The following GRID2 variants were observed in gnomAD, a reference collection of about 807,000 sequenced individuals.
GRID2 encodes glutamate ionotropic receptor delta type subunit 2, also known as glutamate receptor ionotropic, delta-2.
A neutral mutation model predicts 114.8 loss-of-function variants in GRID2; 33 were observed. The ratio of observed to expected loss-of-function variants is 0.29; its 90% CI spans 0.22 to 0.38. GRID2 has a LOEUF of 0.38. Among genes scored for constraint, GRID2 ranks in the 10% least tolerant of loss-of-function variants. The pLI is 1.00. For missense variants in GRID2, 1,184 were observed against 1,257.7 expected (o/e 0.94, Z 0.89); for synonymous variants, 505 against 449.9 (o/e 1.12, Z -1.55).
chr4:93,777,766 T>C (rs1578789900), downstream of GRID2, among the ~76,000 whole-genome samples: 1 of 152,328 alleles, frequency 6.6e-6, no homozygotes, highest in East Asian at 1.9e-4. Context: ...AATGATACAG[T>C]GTCAGAACCA....
intron 1 of GRID2, among the ~76,000 whole-genome samples, chr4:92,575,841 C>A (rs1211049711): frequency 6.6e-6 from 1 of 152,254 alleles, no homozygotes; most frequent in Non-Finnish European, 1.5e-5. Context: ...GTTCTCCAGA[C>A]ACTCCCTCCC....
chr4:93,396,607 G>C (rs1478935077), intron 9 of GRID2, among the ~76,000 whole-genome samples: 1 of 151,944 alleles, frequency 6.6e-6, no homozygotes, highest in Non-Finnish European at 1.5e-5. Context: ...GCTGATTGAG[G>C]AGTAACCGAA....
Position 93,774,507 on chromosome 4 carries a change from T to C in GRID2, c.*2009T>C, listed in dbSNP as rs1578787587. On this transcript the variant is annotated 3_prime_UTR_variant, in exon 16 of 16. Coordinates refer to ENST00000282020, the MANE Select transcript of GRID2 (RefSeq NM_001510.4). Reference sequence around the variant, plus strand: ...GCCTCAGTTATGAGTGACAGAGCTTTCTGTGTATAATTTGTCTAAATAATT... The same window carrying C: ...GCCTCAGTTATGAGTGACAGAGCTTCCTGTGTATAATTTGTCTAAATAATT... 6.6e-6 allele frequency: 1 copy of C among 152,180 alleles called. No individual in the cohort carries two copies. Among genetic ancestry groups the C allele is most frequent in the South Asian group, 2.1e-4 (1 of 4,830 alleles). 9.4% of individuals were successfully genotyped at this position (152,180 alleles called of 1,614,324 possible).
intron 2 of GRID2, among the ~76,000 whole-genome samples, chr4:92,915,191 A>T (rs1284176300): frequency 6.6e-6 from 1 of 152,094 alleles, no homozygotes; most frequent in Non-Finnish European, 1.5e-5. Context: ...CAAGGGGGAA[A>T]CCGCCCCCAT....
chr4:92,568,028 T>C (rs889105294), intron 1 of GRID2, among the ~76,000 whole-genome samples: 3 of 151,988 alleles, frequency 2.0e-5, no homozygotes, highest in African/African-American at 7.2e-5. Flanking sequence ...AGAAAGGGAT[T>C]GAAGGCAGAG....
intron 2 of GRID2, among the ~76,000 whole-genome samples, chr4:92,593,749 T>C (rs1282676194): frequency 3.3e-5 from 5 of 151,850 alleles, no homozygotes; most frequent in East Asian, 1.9e-4. Flanking sequence ...TTCTTATGAA[T>C]GTATTTGTTG....
At chr4:92,464,938 A>T (rs1721675351) in intron 1 of GRID2, among the ~76,000 whole-genome samples, 1 of 152,026 alleles carries the variant, frequency 6.6e-6, no homozygotes, top group East Asian at 1.9e-4. Context: ...GACAGTGAAT[A>T]AGTTCTCAGG....
chr4:93,104,676 A>G (rs1198902915), intron 3 of GRID2, among the ~76,000 whole-genome samples: 1 of 152,128 alleles, frequency 6.6e-6, no homozygotes, highest in Non-Finnish European at 1.5e-5. Context: ...CGTGGTGTAT[A>G]TGTGTCACAT....
chr4:92,876,048 C>T (rs1013369672), intron 2 of GRID2, among the ~76,000 whole-genome samples: 1 of 151,946 alleles, frequency 6.6e-6, no homozygotes, highest in South Asian at 2.1e-4. Flanking sequence ...TCTTAATACG[C>T]TCTCAATTCA....
intron 14 of GRID2, among the ~76,000 whole-genome samples, chr4:93,741,011 GATA>G (rs1162384700): frequency 6.6e-6 from 1 of 150,782 alleles, no homozygotes; most frequent in East Asian, 1.9e-4. Flanking sequence ...ATATCTGGTT[GATA>G]ATAATTTAAT....
chr4:92,660,752 T>C (rs917856698), intron 2 of GRID2, among the ~76,000 whole-genome samples: 1 of 151,214 alleles, frequency 6.6e-6, no homozygotes, highest in African/African-American at 2.4e-5. Flanking sequence ...TAAAACCTCT[T>C]TGCCTTCCTA....
chr4:92,779,121 A>G (rs1295725454), intron 2 of GRID2, among the ~76,000 whole-genome samples: 2 of 151,988 alleles, frequency 1.3e-5, no homozygotes, highest in Admixed American at 6.6e-5. Context: ...CTTGAGAAGA[A>G]CTATAGTAGC....
At chr4:93,006,665 T>C in intron 2 of GRID2, among the ~76,000 whole-genome samples, 1 of 151,316 alleles carries the variant, frequency 6.6e-6, no homozygotes, top group East Asian at 1.9e-4. Flanking sequence ...CCCAATTAAA[T>C]AAGTTTTTTT....
intron 1 of GRID2, among the ~76,000 whole-genome samples, chr4:92,409,032 G>A (rs1374502323): frequency 1.3e-5 from 2 of 152,022 alleles, no homozygotes; most frequent in African/African-American, 2.4e-5. Flanking sequence ...GAGAGTGAGC[G>A]TACTTGTCTT....
intron 13 of GRID2, among the ~76,000 whole-genome samples, chr4:93,566,334 G>A (rs1735415089): frequency 6.6e-6 from 1 of 152,056 alleles, no homozygotes; most frequent in Non-Finnish European, 1.5e-5. Context: ...AAAACCAAAG[G>A]GACAAATGAG....
intron 14 of GRID2, among the ~76,000 whole-genome samples, chr4:93,730,650 G>A (rs1730398970): frequency 6.6e-6 from 1 of 152,176 alleles, no homozygotes; most frequent in South Asian, 2.1e-4. Context: ...TTATTGCTGA[G>A]GGAGCCCCAA....
chr4:93,273,177 T>C (rs543964546), intron 8 of GRID2, among the ~76,000 whole-genome samples: 2 of 152,356 alleles, frequency 1.3e-5, no homozygotes, highest in Non-Finnish European at 2.9e-5. Context: ...AGGCAGGATC[T>C]TTCTCTATTT....
intron 1 of GRID2, among the ~76,000 whole-genome samples, chr4:93,790,165 C>T (rs1734669026): frequency 6.7e-6 from 1 of 149,048 alleles, no homozygotes; most frequent in African/African-American, 2.5e-5. Flanking sequence ...TCCACAAAAC[C>T]TGTCCCTGGT....
intron 13 of GRID2, among the ~76,000 whole-genome samples, chr4:93,581,246 A>G (rs1243158497): frequency 4.6e-5 from 7 of 151,906 alleles, no homozygotes; most frequent in Admixed American, 4.6e-4. Flanking sequence ...TTCCTGAGTG[A>G]TAGAGGTGAA....
Sources: gnomAD v4.1 joint callset for allele counts (sites outside exome capture counted in the v4.1 genomes callset) on GRCh38, gnomAD v4.1.1 for gene constraint, MANE v1.5 for transcripts, NCBI Gene and HGNC (gene_info 2026-07-23, HGNC 2026-07-21) for gene names.